The following LPAR1 variants were observed in gnomAD, a reference collection of about 807,000 sequenced individuals.
The protein encoded by LPAR1 is lysophosphatidic acid receptor 1.
In LPAR1, 5 loss-of-function variants were observed where a neutral mutation model predicts 23.8. The ratio of observed to expected loss-of-function variants is 0.21; its 90% CI spans 0.11 to 0.44. The LOEUF is 0.44. Ranked by LOEUF, LPAR1 falls within the 20% of genes least tolerant of loss-of-function variation. The pLI, the probability that LPAR1 is intolerant of heterozygous loss-of-function variation, is 0.99. For missense variants in LPAR1, 311 were observed against 482.8 expected (o/e 0.64, Z 3.33); for synonymous variants, 160 against 164.7 (o/e 0.97, Z 0.22).
intron 5 of LPAR1, among the ~76,000 whole-genome samples, chr9:110,907,936 C>CACAT (rs1335258425): frequency 6.6e-6 from 1 of 151,546 alleles, no homozygotes; most frequent in African/African-American, 2.4e-5. Flanking sequence ...CACACACACA[C>CACAT]ACACACACAC....
At chr9:110,900,075 G>A (rs2133787329) in intron 5 of LPAR1, among the ~76,000 whole-genome samples, 1 of 152,302 alleles carries the variant, frequency 6.6e-6, no homozygotes, top group South Asian at 2.1e-4. Flanking sequence ...TATTTCTGCT[G>A]TAACAAATTA....
intron 4 of LPAR1, among the ~76,000 whole-genome samples, chr9:110,967,906 T>C (rs1267239403): frequency 6.6e-6 from 1 of 152,170 alleles, no homozygotes; most frequent in African/African-American, 2.4e-5. Context: ...CAGAAGAAGC[T>C]ATCTATCTCT....
chr9:110,961,463 T>C (rs116493922), intron 4 of LPAR1, among the ~76,000 whole-genome samples: 2,128 of 150,932 alleles, frequency 0.014, 46 homozygotes, highest in African/African-American at 0.049. Flanking sequence ...CTACTAAAAA[T>C]ATAAAAATTA....
chr9:110,880,006 G>C (rs1286391673), intron 5 of LPAR1, among the ~76,000 whole-genome samples: 1 of 152,216 alleles, frequency 6.6e-6, no homozygotes, highest in Non-Finnish European at 1.5e-5. Context: ...GTACCTGCAA[G>C]ACATCTAATG....
intron 5 of LPAR1, among the ~76,000 whole-genome samples, chr9:110,902,229 G>A (rs143248947): frequency 5.3e-4 from 80 of 152,190 alleles, no homozygotes; most frequent in African/African-American, 1.7e-3. Flanking sequence ...GCTGGCCAGC[G>A]GTACTAGCCA....
intron 2 of LPAR1, among the ~76,000 whole-genome samples, chr9:110,994,550 T>C (rs2096958518): frequency 6.6e-6 from 1 of 152,214 alleles, no homozygotes; most frequent in Admixed American, 6.5e-5. Flanking sequence ...CGCATCAGTG[T>C]AAACAATTCA....
chr9:110,925,009 C>T (rs1053933313), intron 5 of LPAR1, among the ~76,000 whole-genome samples: 1 of 152,128 alleles, frequency 6.6e-6, no homozygotes, highest in African/African-American at 2.4e-5. Context: ...TGCCATGAGT[C>T]TGACTCCCAT....
In LPAR1 at chr9:110,941,730, G is replaced by A. The variant is rs755789465; in HGVS notation, c.484C>T (p.Arg162Trp). Reference protein sequence around the residue: ...RMQLHTRMSNRRVVVVIVVIW... With the variant: ...RMQLHTRMSNWRVVVVIVVIW... The stretch of plus-strand genomic sequence containing the variant: ...ACCACAATGACCACCACTACCCGCC[G>A]GTTGCTCATCCGTGTGTGGAGCTGC... Residue 162 changes from arginine to tryptophan, a missense_variant, in exon 5 of 6, where the codon CGG becomes TGG. This residue lies in a region of LPAR1 where 250 missense variants were observed against 427.2 expected (regional missense o/e 0.59). Transcript: ENST00000683809. This position sits in a 1 kb window ranked among gnomAD's most constrained non-coding sequence, Gnocchi z 6.1. 3.1e-5 allele frequency: 50 copies of A among 1,614,014 alleles called. No individual in the cohort carries two copies. Among genetic ancestry groups the A allele is most frequent in the Non-Finnish European group, 3.9e-5 (46 of 1,180,022 alleles).
chr9:110,966,875 A>C (rs2096245909), intron 4 of LPAR1, among the ~76,000 whole-genome samples: 1 of 152,214 alleles, frequency 6.6e-6, no homozygotes, highest in Non-Finnish European at 1.5e-5. Flanking sequence ...ATGAACAATG[A>C]AAATGAAACT....
At chr9:110,878,332 G>A (rs1488422307) in intron 5 of LPAR1, among the ~76,000 whole-genome samples, 1 of 152,104 alleles carries the variant, frequency 6.6e-6, no homozygotes. Flanking sequence ...CAAAAGATGA[G>A]GATGCACTAC....
chr9:111,031,489 C>T (rs1484020658), intron 2 of LPAR1, among the ~76,000 whole-genome samples: 1 of 151,170 alleles, frequency 6.6e-6, no homozygotes, highest in Admixed American at 6.6e-5. Context: ...CACACACCTG[C>T]GGTCCCAGCT....
intron 5 of LPAR1, among the ~76,000 whole-genome samples, chr9:110,937,819 A>G (rs1356936106): frequency 6.6e-6 from 1 of 152,226 alleles, no homozygotes; most frequent in Non-Finnish European, 1.5e-5. Context: ...CCCAGGGATC[A>G]TTTTGATGAA....
chr9:111,002,538 C>A (rs560988466), intron 2 of LPAR1, among the ~76,000 whole-genome samples: 7 of 152,232 alleles, frequency 4.6e-5, no homozygotes, highest in Non-Finnish European at 8.8e-5. Flanking sequence ...GAACATATTT[C>A]TGAATGAACT....
At chr9:111,021,564 A>T (rs1275438085) in intron 2 of LPAR1, among the ~76,000 whole-genome samples, 1 of 152,244 alleles carries the variant, frequency 6.6e-6, no homozygotes, top group Non-Finnish European at 1.5e-5. Flanking sequence ...AGCATCCAGC[A>T]TATAAACATA....
rs146406021 is a variant in LPAR1, at chr9:110,955,348, T to C, written c.46-13180A>G. The stretch of plus-strand genomic sequence containing the variant: ...CAGTAAAAAGAGATAAAGAGGGTCA[T>C]TACATAACGATAAAGGAATCAATCC... On this transcript the variant is annotated intron_variant, in intron 4 of 5. Coordinates refer to ENST00000683809, the MANE Select transcript of LPAR1 (RefSeq NM_001351411.2). 2.2e-3 allele frequency among the ~76,000 whole-genome samples: 339 copies of C among 152,268 alleles called. 3 individuals carry two copies. Among genetic ancestry groups the C allele is most frequent in the African/African-American group, 7.5e-3 (312 of 41,576 alleles).
intron 2 of LPAR1, among the ~76,000 whole-genome samples, chr9:111,000,396 G>T (rs965649276): frequency 4.6e-5 from 7 of 152,146 alleles, no homozygotes; most frequent in Non-Finnish European, 8.8e-5. Context: ...CTTTGATCGG[G>T]TGACTTCTTA....
intron 5 of LPAR1, among the ~76,000 whole-genome samples, chr9:110,886,813 T>C (rs1168385728): frequency 6.6e-6 from 1 of 152,136 alleles, no homozygotes. Context: ...ATTTAAAAAA[T>C]AATAAATTGT....
intron 4 of LPAR1, among the ~76,000 whole-genome samples, chr9:110,965,782 G>A (rs965672514): frequency 1.1e-4 from 16 of 152,144 alleles, no homozygotes; most frequent in African/African-American, 3.1e-4. Context: ...GTATATACCC[G>A]AAGGATTATA....
chr9:111,024,305 A>C (rs1243113863), intron 2 of LPAR1, among the ~76,000 whole-genome samples: 1 of 151,328 alleles, frequency 6.6e-6, no homozygotes, highest in Non-Finnish European at 1.5e-5. Flanking sequence ...GCAATCTCAT[A>C]TGATTCAACT....
Sources: gnomAD v4.1 joint callset for allele counts (sites outside exome capture counted in the v4.1 genomes callset) on GRCh38, gnomAD v4.1.1 for gene constraint, gnomAD v4.1.1 regional missense constraint, Gnocchi (gnomAD v3.1) non-coding constraint, MANE v1.5 for transcripts, NCBI Gene and HGNC (gene_info 2026-07-23, HGNC 2026-07-21) for gene names.